LRRC28: variants seen among roughly 807,000 people sequenced by gnomAD.
The protein encoded by LRRC28 is leucine rich repeat containing 28.
In LRRC28, 39 loss-of-function variants were observed where a neutral mutation model predicts 45.7. The observed-to-expected ratio is 0.85, with a 90% confidence interval of 0.66 to 1.12. LRRC28 has a LOEUF of 1.12. Among genes scored for constraint, LRRC28 ranks in the 50% most tolerant of loss-of-function variants. LRRC28 has a pLI of 0.00. For missense variants in LRRC28, 435 were observed against 438.5 expected (o/e 0.99, Z 0.07); for synonymous variants, 206 against 178.8 (o/e 1.15, Z -1.22).
rs749878665 is a variant in LRRC28, at chr15:99,352,361, T to A, written c.593-8T>A. On this transcript the variant is annotated splice_region_variant and splice_polypyrimidine_tract_variant and intron_variant, in intron 6 of 9. Coordinates refer to ENST00000301981, the MANE Select transcript of LRRC28 (RefSeq NM_144598.5). ...ATAGGAATTACAGCACTTTTCTTTCTAATCCAGATTTAGGTCGATCTCGAG... is the reference window on the plus strand; with the variant it reads ...ATAGGAATTACAGCACTTTTCTTTCAAATCCAGATTTAGGTCGATCTCGAG... The A allele has an allele frequency of 3.7e-6, 6 of 1,603,010 alleles. No individual in the cohort carries two copies. The South Asian group carries it at 6.7e-5, about 18-fold the overall frequency.
At chr15:99,278,749 C>G (rs2081692837) in intron 3 of LRRC28, among the ~76,000 whole-genome samples, 1 of 152,204 alleles carries the variant, frequency 6.6e-6, no homozygotes, top group Non-Finnish European at 1.5e-5. Flanking sequence ...TTCTGAGGCC[C>G]CAGAATCTGT....
In LRRC28 at chr15:99,386,213, C is replaced by G. The variant is rs74624480; in HGVS notation, c.*111C>G. On this transcript the variant is annotated 3_prime_UTR_variant, in exon 10 of 10. Coordinates refer to ENST00000301981, the MANE Select transcript of LRRC28 (RefSeq NM_144598.5). ...CAATGCGGGGGCACTGCAGAACTCTCTAGAAATGTCATGATTGAGCTTCAG... is the reference window on the plus strand; with the variant it reads ...CAATGCGGGGGCACTGCAGAACTCTGTAGAAATGTCATGATTGAGCTTCAG... 249 of 821,984 alleles carry G rather than the reference C, an allele frequency of 3.0e-4. 2 individuals are homozygous for G. In the East Asian group the frequency reaches 6.1e-3, roughly 20 times the overall value. 50.9% of individuals were successfully genotyped at this position (821,984 alleles called of 1,614,324 possible). A position where few individuals can be genotyped will look rare whatever the true frequency, so the allele number is the denominator to read the frequency against.
rs562671203 is a variant in LRRC28 at position 99,274,280 on chromosome 15, A to C, written c.169-2296A>C. On this transcript the variant is annotated intron_variant, in intron 2 of 9. Coordinates refer to ENST00000301981, the MANE Select transcript of LRRC28 (RefSeq NM_144598.5). ...TAAGCAGTTTGTGATACTGTTGCTA[A>C]GTATTTAAATACATCAGTATGCCAG... 1.1e-3 allele frequency among the ~76,000 whole-genome samples: 163 copies of C among 152,352 alleles called. 3 individuals carry two copies. Among genetic ancestry groups the C allele is most frequent in the Admixed American group, 0.01 (159 of 15,300 alleles).
chr15:99,257,992 TG>T (rs2152122976), intron 2 of LRRC28: 2 of 890,184 alleles, frequency 2.2e-6, no homozygotes, highest in Non-Finnish European at 3.8e-6. Flanking sequence ...CTAATGAAAA[TG>T]CTCTTTCTGG....
intron 2 of LRRC28, among the ~76,000 whole-genome samples, chr15:99,262,159 A>G (rs1422592294): frequency 6.6e-6 from 1 of 152,124 alleles, no homozygotes; most frequent in Non-Finnish European, 1.5e-5. Context: ...TCACTTCATG[A>G]TATTCTCATT....
chr15:99,338,610 G>C (rs529407959), intron 6 of LRRC28: 65 of 152,316 alleles, frequency 4.3e-4, no homozygotes, highest in Middle Eastern at 3.4e-3. Flanking sequence ...CCTATGATGG[G>C]AGGTGGGAAT....
At chr15:99,337,134 C>T (rs1327111349) in intron 6 of LRRC28, among the ~76,000 whole-genome samples, 1 of 152,246 alleles carries the variant, frequency 6.6e-6, no homozygotes, top group Non-Finnish European at 1.5e-5. Context: ...CTCACTATAG[C>T]TCCTTAGCCC....
intron 3 of LRRC28, among the ~76,000 whole-genome samples, chr15:99,281,759 A>G (rs2081798245): frequency 1.3e-5 from 2 of 152,076 alleles, no homozygotes; most frequent in East Asian, 1.9e-4. Context: ...GCTTATTTTT[A>G]TACTTTGTTA....
chr15:99,341,083 C>CT (rs528372394), intron 6 of LRRC28, among the ~76,000 whole-genome samples: 3,301 of 100,342 alleles, frequency 0.033, 221 homozygotes, highest in Admixed American at 0.047. Context: ...ATTCTACTGT[C>CT]TTTTTTTTTT....
intron 3 of LRRC28, among the ~76,000 whole-genome samples, chr15:99,283,380 G>A (rs2081863224): frequency 6.7e-6 from 1 of 150,274 alleles, no homozygotes; most frequent in African/African-American, 2.4e-5. Context: ...TTGGGAGGCC[G>A]AGGTGGGTGG....
At chr15:99,324,157 C>G (rs1955892175) in intron 5 of LRRC28, among the ~76,000 whole-genome samples, 2 of 152,090 alleles carry the variant, frequency 1.3e-5, no homozygotes, top group Admixed American at 6.6e-5. Flanking sequence ...GGAGCTAATA[C>G]CCTAAATGAC....
chr15:99,283,092 C>T (rs1348971992), intron 3 of LRRC28, among the ~76,000 whole-genome samples: 4 of 151,912 alleles, frequency 2.6e-5, no homozygotes, highest in East Asian at 1.9e-4. Context: ...GAGGTTTCTC[C>T]ATGTTGGTCA....
At chr15:99,301,014 G>A (rs896102857) in intron 5 of LRRC28, among the ~76,000 whole-genome samples, 1 of 152,128 alleles carries the variant, frequency 6.6e-6, no homozygotes, top group Non-Finnish European at 1.5e-5. Flanking sequence ...AGTGAAGGAA[G>A]AATCACCATT....
intron 2 of LRRC28, among the ~76,000 whole-genome samples, chr15:99,267,805 T>C (rs1333575882): frequency 2.0e-5 from 3 of 152,214 alleles, no homozygotes; most frequent in Non-Finnish European, 4.4e-5. Context: ...TCATTGTTAC[T>C]GATTCCTTGT....
In LRRC28 at chr15:99,257,550, G is replaced by A. The variant is rs561110592; in HGVS notation, c.168+1425G>A. On this transcript the variant is annotated intron_variant, in intron 2 of 9. Coordinates refer to ENST00000301981, the MANE Select transcript of LRRC28 (RefSeq NM_144598.5). ...GTGGGCGGACCACGCGGCTGGAGGT[G>A]TGAGGATCCAACCCGGGGGTGAGAG... is the stretch of plus-strand genomic sequence containing the variant. The A allele has an allele frequency of 2.8e-5, 14 of 505,188 alleles. No individual in the cohort carries two copies. The East Asian group carries it at 5.5e-4, about 20-fold the overall frequency. 31.3% of individuals were successfully genotyped at this position (505,188 alleles called of 1,614,324 possible). A position where few individuals can be genotyped will look rare whatever the true frequency, so the allele number is the denominator to read the frequency against.
chr15:99,370,226 C>A (rs1038892768), intron 9 of LRRC28, among the ~76,000 whole-genome samples: 1 of 152,026 alleles, frequency 6.6e-6, no homozygotes, highest in Non-Finnish European at 1.5e-5. Flanking sequence ...ACTAAGTGGA[C>A]CAGCATATTA....
At chr15:99,362,394 G>T (rs1957228271) in intron 8 of LRRC28, among the ~76,000 whole-genome samples, 1 of 152,170 alleles carries the variant, frequency 6.6e-6, no homozygotes, top group Non-Finnish European at 1.5e-5. Context: ...AAGATGAGTT[G>T]ATAATTTTTA....
Position 99,335,673 on chromosome 15 carries a change from A to AT in LRRC28, c.592+1553dup, listed in dbSNP as rs111617321. On this transcript the variant is annotated intron_variant, in intron 6 of 9. Coordinates refer to ENST00000301981, the MANE Select transcript of LRRC28 (RefSeq NM_144598.5). ...ACATACCAATACCCTGTCTCTAAAA[A>AT]TTTTTTTTTACCCCCCTCACATTCA... 2.3e-3 allele frequency among the ~76,000 whole-genome samples: 342 copies of AT among 151,428 alleles called. 1 individual carries two copies. Among genetic ancestry groups the AT allele is most frequent in the African/African-American group, 7.6e-3 (314 of 41,280 alleles).
chr15:99,276,741 C>A, intron 3 of LRRC28, 125 bp downstream of exon 3: 1 of 635,266 alleles, frequency 1.6e-6, no homozygotes, highest in Non-Finnish European at 2.5e-6. Context: ...TCATGGTACT[C>A]ATGTAGGTAG....
Sources: gnomAD v4.1 joint callset for allele counts (sites outside exome capture counted in the v4.1 genomes callset) on GRCh38, gnomAD v4.1.1 for gene constraint, MANE v1.5 for transcripts, NCBI Gene and HGNC (gene_info 2026-07-23, HGNC 2026-07-21) for gene names.